Variants in NELL1 observed in about 807,000 individuals in gnomAD.
NELL1 encodes neural EGFL like 1, also known as protein kinase C-binding protein NELL1.
NELL1 carries 76 observed loss-of-function variants against 107.4 expected under a neutral mutation model. The observed-to-expected ratio is 0.71, with a 90% CI of 0.59 to 0.86. The LOEUF is 0.86. NELL1 is among the 40% of genes least tolerant of loss of function. The probability of loss-of-function intolerance (pLI) is 0.00; values close to 1 mark genes in which losing one functional copy is unlikely to be tolerated. For missense variants in NELL1, 1,024 were observed against 1,005.5 expected, an observed-to-expected ratio of 1.02 and a Z score of -0.25; for synonymous variants, 353 against 341.2, an observed-to-expected ratio of 1.03 and a Z score of -0.38.
At chr11:21,112,426 T>C (rs1018736561) in intron 12 of NELL1, among the ~76,000 whole-genome samples, 20 of 152,092 alleles carry the variant, frequency 1.3e-4, no homozygotes, top group African/African-American at 4.8e-4. Context: ...CTAATGATTA[T>C]TGTAATAGAA....
chr11:21,060,038 G>A (rs1389245267), intron 12 of NELL1, among the ~76,000 whole-genome samples: 1 of 152,168 alleles, frequency 6.6e-6, no homozygotes, highest in Non-Finnish European at 1.5e-5. Context: ...CGTGCCTTAT[G>A]CTAATGAACC....
intron 2 of NELL1, among the ~76,000 whole-genome samples, chr11:20,693,506 G>T (rs1314031342): frequency 1.3e-5 from 2 of 152,012 alleles, no homozygotes; most frequent in South Asian, 4.2e-4. Flanking sequence ...CTCAGCATTT[G>T]CTTGTCTGTA....
At chr11:21,179,340 A>G (rs1856777473) in intron 13 of NELL1, among the ~76,000 whole-genome samples, 1 of 151,916 alleles carries the variant, frequency 6.6e-6, no homozygotes, top group South Asian at 2.1e-4. Flanking sequence ...TTGATTATGT[A>G]CTAGTTAGTT....
At chr11:21,141,023 C>A (rs757053289) in intron 13 of NELL1, among the ~76,000 whole-genome samples, 6 of 152,060 alleles carry the variant, frequency 3.9e-5, no homozygotes, top group Non-Finnish European at 8.8e-5. Context: ...CCCAGTATAG[C>A]AAGAAATGAA....
chr11:20,688,215 C>T (rs1215150100), intron 2 of NELL1, among the ~76,000 whole-genome samples: 6 of 151,778 alleles, frequency 4.0e-5, no homozygotes, highest in African/African-American at 1.5e-4. Context: ...AAAGTTTTCT[C>T]TTTGCTTTTA....
rs537614083 is a variant in NELL1 at position 21,533,456 on chromosome 11, A to G, written c.1646-918A>G. Among the ~76,000 whole-genome samples, 857 of 152,342 alleles carry G rather than the reference A, an allele frequency of 5.6e-3. 4 individuals are homozygous for G. The highest frequency in any genetic ancestry group is 0.014 in the Middle Eastern group (4 of 294). On this transcript the variant is annotated intron_variant, in intron 15 of 19. Transcript: ENST00000357134. The stretch of plus-strand genomic sequence containing the variant: ...TCAAAGAAGATTCCCAGGCAGCAGT[A>G]GCTACATTCTAAGAAATAATTACTT...
intron 14 of NELL1, among the ~76,000 whole-genome samples, chr11:21,281,670 T>C (rs1848997522): frequency 6.6e-6 from 1 of 152,090 alleles, no homozygotes; most frequent in South Asian, 2.1e-4. Context: ...GGGGTACTTG[T>C]GTCACTCCAC....
At chr11:21,375,524 C>T (rs189662537) in intron 15 of NELL1, among the ~76,000 whole-genome samples, 37 of 152,210 alleles carry the variant, frequency 2.4e-4, no homozygotes, top group Admixed American at 1.4e-3. Flanking sequence ...CATGTGAGTG[C>T]ATGTGTCTTT....
intron 12 of NELL1, among the ~76,000 whole-genome samples, chr11:20,995,446 C>T (rs1005443716): frequency 5.9e-5 from 9 of 151,990 alleles, no homozygotes; most frequent in South Asian, 2.1e-4. Flanking sequence ...CACGTGGTGG[C>T]GCATGCCTGT....
intron 2 of NELL1, among the ~76,000 whole-genome samples, chr11:20,698,252 C>T (rs114871887): frequency 6.6e-6 from 1 of 152,132 alleles, no homozygotes; most frequent in Non-Finnish European, 1.5e-5. Context: ...AAATTAACAC[C>T]TGCACTGGCT....
chr11:21,469,746 A>G (rs1254977429), intron 15 of NELL1, among the ~76,000 whole-genome samples: 2 of 152,070 alleles, frequency 1.3e-5, no homozygotes, highest in Admixed American at 1.3e-4. Flanking sequence ...TGATAATTCA[A>G]TAGAAGCGTA....
At chr11:21,368,559 G>A (rs771503858) in intron 14 of NELL1, among the ~76,000 whole-genome samples, 8 of 151,868 alleles carry the variant, frequency 5.3e-5, no homozygotes, top group Non-Finnish European at 1.2e-4. Context: ...CAGCCTTAGG[G>A]CACTTGATTT....
intron 15 of NELL1, among the ~76,000 whole-genome samples, chr11:21,495,121 C>T (rs1411830429): frequency 6.6e-6 from 1 of 152,036 alleles, no homozygotes. Context: ...ATTTCATCAC[C>T]CACCAAAGAA....
At chr11:21,337,810 TG>T (rs1565175464) in intron 14 of NELL1, among the ~76,000 whole-genome samples, 106 of 55,814 alleles carry the variant, frequency 1.9e-3, no homozygotes, top group Middle Eastern at 9.4e-3. Context: ...CTTTCTTTCT[TG>T]CTTTCCTTCT....
chr11:21,067,309 C>T (rs1853899684), intron 12 of NELL1, among the ~76,000 whole-genome samples: 1 of 152,082 alleles, frequency 6.6e-6, no homozygotes, highest in Non-Finnish European at 1.5e-5. Flanking sequence ...GTCAAATGTC[C>T]TAGATTCTGA....
chr11:21,030,332 T>C (rs1444684953), intron 12 of NELL1, among the ~76,000 whole-genome samples: 1 of 152,200 alleles, frequency 6.6e-6, no homozygotes, highest in Non-Finnish European at 1.5e-5. Flanking sequence ...TTTGCACTTT[T>C]TGAGAGCCAT....
intron 3 of NELL1, among the ~76,000 whole-genome samples, chr11:20,814,241 G>A (rs570708946): frequency 2.0e-5 from 3 of 152,230 alleles, no homozygotes; most frequent in South Asian, 2.1e-4. Flanking sequence ...TGATCCGCCC[G>A]CCTCGGCCTC....
chr11:21,561,643 ATGTCT>A (rs1856852092), intron 17 of NELL1, among the ~76,000 whole-genome samples: 1 of 152,044 alleles, frequency 6.6e-6, no homozygotes, highest in Non-Finnish European at 1.5e-5. Flanking sequence ...ATCTTGTCAG[ATGTCT>A]TGTAACACTC....
At chr11:21,534,838 G>T (rs1398148007) in intron 16 of NELL1, among the ~76,000 whole-genome samples, 1 of 152,048 alleles carries the variant, frequency 6.6e-6, no homozygotes, top group Non-Finnish European at 1.5e-5. Context: ...GACAGTTTGG[G>T]AGGCAACTGT....
Sources: gnomAD v4.1 joint callset for allele counts (sites outside exome capture counted in the v4.1 genomes callset) on GRCh38, gnomAD v4.1.1 for gene constraint, MANE v1.5 for transcripts, NCBI Gene and HGNC (gene_info 2026-07-23, HGNC 2026-07-21) for gene names.